Variants in CREB5 observed in about 807,000 individuals in gnomAD.
CREB5 encodes cAMP responsive element binding protein 5.
In CREB5, 19 loss-of-function variants were observed where a neutral mutation model predicts 57.1. The observed-to-expected ratio is 0.33, with a 90% CI of 0.23 to 0.49. The LOEUF (loss-of-function observed/expected upper bound fraction) is 0.49, where lower values mean the gene tolerates loss of function less well. Ranked by LOEUF, CREB5 falls within the 20% of genes least tolerant of loss-of-function variation. The pLI, the probability that CREB5 is intolerant of heterozygous loss-of-function variation, is 0.99. For missense variants in CREB5, 579 were observed against 671.6 expected, an observed-to-expected ratio of 0.86 and a Z score of 1.52; for synonymous variants, 238 against 238.3, an observed-to-expected ratio of 1.00 and a Z score of 0.01.
intron 1 of CREB5, among the ~76,000 whole-genome samples, chr7:28,469,149 G>C (rs1790710775): frequency 6.6e-6 from 1 of 152,098 alleles, no homozygotes; most frequent in Admixed American, 6.5e-5. Flanking sequence ...TGAGCCAAGG[G>C]GTTCGAGGCT....
At position 28,480,500 on chromosome 7, in the gene CREB5, T is replaced by C. The variant is rs1430869645; in HGVS notation, c.4-7675T>C. Among the ~76,000 whole-genome samples the C allele has an allele frequency of 2.0e-5, 3 of 152,174 alleles. No homozygotes were observed. The South Asian group carries it at 6.2e-4, about 32-fold the overall frequency. On this transcript the variant is annotated intron_variant, in intron 1 of 10. Coordinates refer to ENST00000357727, the MANE Select transcript of CREB5 (RefSeq NM_182898.4). ...TGGCTATGTTTTGTTCTAATTTTTC[T>C]TTTTTGTTTTCTTTCCTTTTTGTGC...
At chr7:28,607,785 G>A (rs1311196725) in intron 5 of CREB5, among the ~76,000 whole-genome samples, 4 of 89,250 alleles carry the variant, frequency 4.5e-5, no homozygotes, top group Middle Eastern at 7.7e-3. Context: ...GTGTGTGTGT[G>A]TGTGTGTGTT....
At chr7:28,371,422 G>A (rs1455386127) in intron 1 of CREB5, among the ~76,000 whole-genome samples, 1 of 151,720 alleles carries the variant, frequency 6.6e-6, no homozygotes, top group Non-Finnish European at 1.5e-5. Context: ...CCAGGAGGTG[G>A]AGGTTGCAGT....
At chr7:28,755,579 G>A (rs1021426913) in intron 7 of CREB5, among the ~76,000 whole-genome samples, 3 of 152,166 alleles carry the variant, frequency 2.0e-5, no homozygotes, top group Non-Finnish European at 2.9e-5. Flanking sequence ...GGGACACGAT[G>A]AAATCAGTTT....
chr7:28,567,089 G>A (rs904518822), intron 4 of CREB5, among the ~76,000 whole-genome samples: 1 of 152,152 alleles, frequency 6.6e-6, no homozygotes, highest in Non-Finnish European at 1.5e-5. Flanking sequence ...TTCCATGGTG[G>A]ATGTAAACAA....
intron 1 of CREB5, among the ~76,000 whole-genome samples, chr7:28,392,319 G>A (rs1787234744): frequency 6.6e-6 from 1 of 152,100 alleles, no homozygotes; most frequent in Admixed American, 6.6e-5. Flanking sequence ...AAAAGAGCAT[G>A]CTTCTCACCA....
At chr7:28,589,565 CAAAAAG>C (rs1472768435) in intron 5 of CREB5, among the ~76,000 whole-genome samples, 1 of 151,984 alleles carries the variant, frequency 6.6e-6, no homozygotes, top group Non-Finnish European at 1.5e-5. Flanking sequence ...AAAACAAAAA[CAAAAAG>C]AAAAAGAAAA....
chr7:28,752,487 T>C (rs1010678993), intron 7 of CREB5, among the ~76,000 whole-genome samples: 1 of 152,212 alleles, frequency 6.6e-6, no homozygotes. Flanking sequence ...AATTAATATG[T>C]ATCTCAGAAG....
intron 7 of CREB5, among the ~76,000 whole-genome samples, chr7:28,739,650 AG>A (rs1804225868): frequency 6.6e-6 from 1 of 152,214 alleles, no homozygotes; most frequent in Admixed American, 6.5e-5. Context: ...TCGAGTTTAG[AG>A]GACAGACTGG....
rs369656530 is a variant in CREB5 at position 28,514,859 on chromosome 7, G to A, written c.291+7122G>A. ...ATGCCTGTGGCGGGTGTTATCGGAG[G>A]TGCTAATGTCTCCCTTGAAGCTACA... On this transcript the variant is annotated intron_variant, in intron 4 of 10. Coordinates refer to ENST00000357727, the MANE Select transcript of CREB5 (RefSeq NM_182898.4). 3.7e-4 allele frequency among the ~76,000 whole-genome samples: 56 copies of A among 152,344 alleles called. 2 individuals are homozygous for A. The highest frequency in any genetic ancestry group is 1.3e-3 in the African/African-American group (55 of 41,582).
intron 5 of CREB5, among the ~76,000 whole-genome samples, chr7:28,575,359 A>T (rs1055830554): frequency 2.0e-5 from 3 of 152,180 alleles, no homozygotes; most frequent in Admixed American, 6.5e-5. Context: ...ACAGTAGAGA[A>T]GTGGGTAAAT....
At chr7:28,710,895 CAGGGTATACTGAG>C (rs1802368578) in intron 5 of CREB5, among the ~76,000 whole-genome samples, 1 of 152,122 alleles carries the variant, frequency 6.6e-6, no homozygotes, top group Admixed American at 6.5e-5. Context: ...GAGAAATGTA[CAGGGTATACTGAG>C]AGCACTCGAG....
chr7:28,689,447 G>A (rs906509144), intron 5 of CREB5, among the ~76,000 whole-genome samples: 2 of 152,102 alleles, frequency 1.3e-5, no homozygotes, highest in Non-Finnish European at 2.9e-5. Context: ...CAGCCTGGGC[G>A]ACAAAGCGAG....
At chr7:28,611,541 CT>C (rs1312887205) in intron 5 of CREB5, among the ~76,000 whole-genome samples, 1 of 148,126 alleles carries the variant, frequency 6.8e-6, no homozygotes, top group Non-Finnish European at 1.5e-5. Flanking sequence ...TGGTGTGCCC[CT>C]GTAATTCCTG....
At chr7:28,735,795 T>C (rs1803942103) in intron 7 of CREB5, among the ~76,000 whole-genome samples, 1 of 152,058 alleles carries the variant, frequency 6.6e-6, no homozygotes, top group South Asian at 2.1e-4. Context: ...CATATTACTG[T>C]GTGCTTCCTC....
At chr7:28,650,323 C>G (rs1452651706) in intron 5 of CREB5, among the ~76,000 whole-genome samples, 1 of 152,110 alleles carries the variant, frequency 6.6e-6, no homozygotes, top group African/African-American at 2.4e-5. Context: ...CTACTTGTAG[C>G]CATGGAGTGG....
upstream of CREB5, among the ~76,000 whole-genome samples, chr7:28,411,275 C>A (rs1459196977): frequency 6.6e-6 from 1 of 152,126 alleles, no homozygotes; most frequent in Non-Finnish European, 1.5e-5. Flanking sequence ...TGCCCTTTAG[C>A]AGAAGAGGGA....
intron 4 of CREB5, among the ~76,000 whole-genome samples, chr7:28,510,610 C>T (rs1240473383): frequency 2.0e-5 from 3 of 152,200 alleles, no homozygotes; most frequent in African/African-American, 2.4e-5. Flanking sequence ...ACCCATGTGG[C>T]TGTCCATTGG....
chr7:28,649,215 C>A (rs1391233903), intron 5 of CREB5, among the ~76,000 whole-genome samples: 1 of 152,248 alleles, frequency 6.6e-6, no homozygotes, highest in African/African-American at 2.4e-5. Flanking sequence ...ACGCCTTCAA[C>A]CTAGGACAGG....
Sources: gnomAD v4.1 joint callset for allele counts (sites outside exome capture counted in the v4.1 genomes callset) on GRCh38, gnomAD v4.1.1 for gene constraint, MANE v1.5 for transcripts, NCBI Gene and HGNC (gene_info 2026-07-23, HGNC 2026-07-21) for gene names.